Variants in ADCY10 observed in about 807,000 individuals in gnomAD.
ADCY10 encodes the protein adenylate cyclase 10.
A neutral mutation model predicts 183.3 loss-of-function variants in ADCY10; 156 were observed. The ratio of observed to expected loss-of-function variants is 0.85; its 90% CI spans 0.75 to 0.97. The LOEUF (loss-of-function observed/expected upper bound fraction) is 0.97. Ranked by LOEUF, ADCY10 falls within the 50% of genes least tolerant of loss-of-function variation. ADCY10 has a pLI of 0.00. For missense variants in ADCY10, 1,745 were observed against 1,934.3 expected (o/e 0.90, Z 1.84); for synonymous variants, 645 against 670.0 (o/e 0.96, Z 0.58).
intron 14 of ADCY10, among the ~76,000 whole-genome samples, chr1:167,868,333 C>A (rs1312507880): frequency 2.0e-5 from 3 of 152,132 alleles, no homozygotes; most frequent in Non-Finnish European, 4.4e-5. Context: ...TCACCCTGAT[C>A]ATTTCTAGGT....
intron 5 of ADCY10, among the ~76,000 whole-genome samples, chr1:167,901,388 T>C (rs1271420665): frequency 6.6e-6 from 1 of 152,214 alleles, no homozygotes; most frequent in Non-Finnish European, 1.5e-5. Context: ...TCATAAAGAC[T>C]ATTTTATTGG....
chr1:167,868,857 C>T (rs1666884433), intron 14 of ADCY10, among the ~76,000 whole-genome samples: 1 of 152,208 alleles, frequency 6.6e-6, no homozygotes, highest in Non-Finnish European at 1.5e-5. Context: ...ACATGCTCAA[C>T]TGAATCATAC....
intron 21 of ADCY10, among the ~76,000 whole-genome samples, chr1:167,842,284 T>G (rs1048805633): frequency 6.6e-6 from 1 of 152,156 alleles, no homozygotes; most frequent in East Asian, 1.9e-4. Flanking sequence ...GGACTATAGA[T>G]GTGTGCCATC....
chr1:167,820,541 C>T lies in ADCY10; in HGVS notation c.4286+1483G>A, dbSNP rs1330924052. The T allele has an allele frequency of 1.8e-5, 6 of 341,706 alleles. No homozygotes were observed. The Admixed American group carries it at 2.9e-4, about 16-fold the overall frequency. 21.2% of individuals were successfully genotyped at this position (341,706 alleles called of 1,614,324 possible). ...TGGATGATTTCTGGACTTTAGATTC[C>T]TTAACCTTTAACTCACATTGGTAAG... is the stretch of plus-strand genomic sequence containing the variant. On this transcript the variant is annotated intron_variant, in intron 30 of 32. Transcript: ENST00000367851.
intron 8 of ADCY10, 50 bp from the exon 9 acceptor site, chr1:167,883,678 T>G: frequency 1.3e-6 from 2 of 1,576,960 alleles, no homozygotes; most frequent in Non-Finnish European, 1.7e-6. Context: ...AGTGGATCCC[T>G]CCCCCAACAC....
intron 2 of ADCY10, 90 bp from the exon 3 acceptor site, chr1:167,904,081 G>C: frequency 4.0e-6 from 2 of 501,780 alleles, no homozygotes; most frequent in Non-Finnish European, 6.8e-6. Context: ...GCGGGCCTCA[G>C]CTTTTTTTTT....
chr1:167,836,616 G>A (rs1031211008), intron 22 of ADCY10, 76 bp from the exon 23 acceptor site: 21 of 1,092,748 alleles, frequency 1.9e-5, no homozygotes, highest in African/African-American at 9.3e-5. Context: ...TAGGCCAGAC[G>A]CGGTGGCTCA....
Position 167,845,639 on chromosome 1 carries a change from G to A in ADCY10, c.2931C>T (p.His977=), listed in dbSNP as rs756084339. The A allele has an allele frequency of 5.6e-6, 9 of 1,614,136 alleles. No individual in the cohort carries two copies. In the Admixed American group the frequency reaches 1.5e-4, roughly 27 times the overall value. ...CGTTGAGCCGAATATTCACTGTGAA[G>A]TGATGATAGGGAATGAAGTCCCTGC... ...CRGRDFIPYH[H]FTVNIRLNAL... Residue 977 remains histidine (H), a synonymous_variant, in exon 21 of 33, where the codon CAC becomes CAT. Transcript: ENST00000367851.
At chr1:167,911,959 A>T (rs1670173906) in intron 1 of ADCY10, among the ~76,000 whole-genome samples, 1 of 152,342 alleles carries the variant, frequency 6.6e-6, no homozygotes, top group South Asian at 2.1e-4. Context: ...GAAGAAAATG[A>T]TAGGTTTAAA....
intron 7 of ADCY10, among the ~76,000 whole-genome samples, chr1:167,895,621 G>A (rs951602120): frequency 2.0e-5 from 3 of 152,166 alleles, no homozygotes; most frequent in African/African-American, 4.8e-5. Context: ...AGGGTATTTT[G>A]TTTGTTTTTT....
intron 1 of ADCY10, among the ~76,000 whole-genome samples, chr1:167,911,831 T>C (rs1284440054): frequency 6.6e-6 from 1 of 152,254 alleles, no homozygotes; most frequent in Non-Finnish European, 1.5e-5. Context: ...TAAGATTCTA[T>C]TGTTTTAATT....
At chr1:167,836,222 A>G in intron 23 of ADCY10, 87 bp downstream of exon 23, 1 of 860,298 alleles carries the variant, frequency 1.2e-6, no homozygotes, top group Non-Finnish European at 2.0e-6. Flanking sequence ...ACGTGAAGTA[A>G]TCAGAAAGCA....
At chr1:167,819,515 A>C (rs1244321584) in intron 30 of ADCY10, among the ~76,000 whole-genome samples, 1 of 151,992 alleles carries the variant, frequency 6.6e-6, no homozygotes, top group Non-Finnish European at 1.5e-5. Context: ...CTGCGATTAC[A>C]GGCGTGAGCC....
Position 167,883,524 on chromosome 1 carries a change from G to T in ADCY10, c.933C>A (p.Gly311=), listed in dbSNP as rs1178480568. The T allele has an allele frequency of 6.2e-7, 1 of 1,614,210 alleles. No homozygotes were observed. The highest frequency in any genetic ancestry group is 2.2e-5 in the East Asian group (1 of 44,888). Residue 311 remains glycine, a synonymous_variant, in exon 9 of 33, where the codon GGC becomes GGA. Coordinates refer to ENST00000367851, the MANE Select transcript of ADCY10 (RefSeq NM_018417.6). ...FEDQDKAEEI[G]PAIQDAYMHI... ...GCATATAGGCATCCTGGATGGCTGG[G>T]CCTATCTCTTCTGCTTTGTCTTGGT... is the stretch of plus-strand genomic sequence containing the variant.
chr1:167,870,965 C>T (rs528840676), intron 13 of ADCY10, among the ~76,000 whole-genome samples: 1 of 152,212 alleles, frequency 6.6e-6, no homozygotes, highest in South Asian at 2.1e-4. Flanking sequence ...AGAAAGTATT[C>T]TTATAATCCT....
At position 167,880,194 on chromosome 1, in the gene ADCY10, G is replaced by T. The variant is rs761248509; in HGVS notation, c.1140-3C>A. On this transcript the variant is annotated splice_polypyrimidine_tract_variant and splice_region_variant and intron_variant, in intron 10 of 32. Transcript: ENST00000367851. ...TGGCAACACCGATGGATACAGTTCT[G>T]GTGCAGGGGAGACAAGATTTGTGGG... 2 of 1,611,608 alleles carry T rather than the reference G, an allele frequency of 1.2e-6. No homozygotes were observed. The highest frequency in any genetic ancestry group is 1.3e-5 in the African/African-American group (1 of 74,854).
intron 1 of ADCY10, 138 bp downstream of exon 1, chr1:167,913,831 GACACAGA>G (rs1448320261): frequency 6.6e-6 from 1 of 152,208 alleles, no homozygotes; most frequent in Non-Finnish European, 1.5e-5. Flanking sequence ...GTAAGGGACT[GACACAGA>G]GGTATACACA....
chr1:167,830,580 G>A (rs887322495), intron 25 of ADCY10, among the ~76,000 whole-genome samples: 7 of 152,088 alleles, frequency 4.6e-5, no homozygotes, highest in Non-Finnish European at 1.5e-5. Context: ...TTTTGGTAGA[G>A]ATGGGGTTTC....
chr1:167,831,382 C>T (rs978905761), intron 25 of ADCY10, among the ~76,000 whole-genome samples: 6 of 152,142 alleles, frequency 3.9e-5, no homozygotes, highest in East Asian at 1.9e-4. Context: ...TTAGTAGAGA[C>T]GGGATTTCAC....
Sources: gnomAD v4.1 joint callset for allele counts (sites outside exome capture counted in the v4.1 genomes callset) on GRCh38, gnomAD v4.1.1 for gene constraint, MANE v1.5 for transcripts, NCBI Gene and HGNC (gene_info 2026-07-23, HGNC 2026-07-21) for gene names.